GK5: variants seen among roughly 807,000 people sequenced by gnomAD.
GK5 encodes glycerol kinase 5, also known as ATP:glycerol 3-phosphotransferase 5.
In GK5, 39 loss-of-function variants were observed where a neutral mutation model predicts 77.3. That is an observed-to-expected ratio of 0.50 (90% CI 0.39 to 0.66). The LOEUF is 0.66. GK5 is among the 30% of genes least tolerant of loss of function. GK5 has a pLI of 0.00. For missense variants in GK5, 487 were observed against 633.8 expected, an observed-to-expected ratio of 0.77 and a Z score of 2.49; for synonymous variants, 211 against 208.0, an observed-to-expected ratio of 1.01 and a Z score of -0.13.
intron 1 of GK5, among the ~76,000 whole-genome samples, chr3:142,218,383 A>AG (rs2064301908): frequency 6.6e-6 from 1 of 150,606 alleles, no homozygotes; most frequent in Non-Finnish European, 1.5e-5. Flanking sequence ...AATACAAAAA[A>AG]AAAAAAAAAA....
intron 5 of GK5, among the ~76,000 whole-genome samples, chr3:142,191,138 G>A (rs144385668): frequency 0.022 from 3,407 of 152,038 alleles, 51 homozygotes; most frequent in Middle Eastern, 0.051. Flanking sequence ...CACCTCCCCG[G>A]TTCAAAAGAT....
intron 5 of GK5, 21 bp downstream of exon 5, chr3:142,198,781 A>AT: frequency 1.3e-6 from 2 of 1,597,382 alleles, no homozygotes; most frequent in Middle Eastern, 1.7e-4. Flanking sequence ...TATTTTCCAC[A>AT]TACACACAGT....
rs2108775466 is a variant in GK5 at position 142,161,043 on chromosome 3, A to T, written c.*4579T>A. On this transcript the variant is annotated 3_prime_UTR_variant, in exon 16 of 16. Coordinates refer to ENST00000392993, the MANE Select transcript of GK5 (RefSeq NM_001039547.3). ...TGGCCAAAAATTTTAAATAAACAACATGAGGATTCTAGCTCTCACTACAGA... is the reference window on the plus strand; with the variant it reads ...TGGCCAAAAATTTTAAATAAACAACTTGAGGATTCTAGCTCTCACTACAGA... The T allele has an allele frequency of 1.3e-5, 2 of 151,800 alleles. No individual in the cohort carries two copies. The highest frequency in any genetic ancestry group is 6.8e-3 in the Middle Eastern group (2 of 292). 9.4% of individuals were successfully genotyped at this position (151,800 alleles called of 1,614,324 possible).
intron 1 of GK5, among the ~76,000 whole-genome samples, chr3:142,219,083 A>T (rs1159022582): frequency 6.6e-6 from 1 of 152,248 alleles, no homozygotes; most frequent in African/African-American, 2.4e-5. Context: ...GAGGATGTGG[A>T]ACAACTGGAA....
rs9856056 is a variant in GK5, at chr3:142,179,906, G to C, written c.1048+1555C>G. Among the ~76,000 whole-genome samples, 513 of 152,294 alleles carry C rather than the reference G, an allele frequency of 3.4e-3. 1 individual carries two copies. The highest frequency in any genetic ancestry group is 4.5e-3 in the Non-Finnish European group (304 of 68,026). ...CTGATATTCCTGGCCTAGACTCAGAGGTAGCCTGAAACCCAAGGACTCAGA... is the reference window on the plus strand; with the variant it reads ...CTGATATTCCTGGCCTAGACTCAGACGTAGCCTGAAACCCAAGGACTCAGA... On this transcript the variant is annotated intron_variant, in intron 11 of 15. Transcript: ENST00000392993.
chr3:142,195,019 G>A (rs1185623932), intron 5 of GK5, among the ~76,000 whole-genome samples: 1 of 151,870 alleles, frequency 6.6e-6, no homozygotes, highest in Non-Finnish European at 1.5e-5. Flanking sequence ...GTTTTTCAAA[G>A]ATCAGGTTGA....
chr3:142,187,632 C>A, intron 6 of GK5, 72 bp downstream of exon 6: 114 of 974,758 alleles, frequency 1.2e-4, no homozygotes, highest in Non-Finnish European at 1.6e-4. Context: ...GTAACTTCTA[C>A]TTTTTTTAGG....
intron 1 of GK5, among the ~76,000 whole-genome samples, chr3:142,221,411 C>G (rs912112501): frequency 1.3e-5 from 2 of 152,214 alleles, no homozygotes; most frequent in East Asian, 1.9e-4. Flanking sequence ...CACTTCCCCC[C>G]ACTTTACCAA....
intron 5 of GK5, among the ~76,000 whole-genome samples, chr3:142,188,856 C>A (rs1025301633): frequency 6.6e-6 from 1 of 152,126 alleles, no homozygotes; most frequent in Admixed American, 6.5e-5. Context: ...ATAAAGCATG[C>A]CAAGAGAAAC....
intron 12 of GK5, among the ~76,000 whole-genome samples, chr3:142,174,830 C>T (rs796457626): frequency 1.3e-5 from 2 of 152,138 alleles, no homozygotes; most frequent in South Asian, 2.1e-4. Flanking sequence ...GCCCTGAAAA[C>T]CAAAACCAGG....
intron 15 of GK5, among the ~76,000 whole-genome samples, chr3:142,167,282 G>A (rs2063483758): frequency 6.6e-6 from 1 of 152,004 alleles, no homozygotes; most frequent in Non-Finnish European, 1.5e-5. Context: ...GCTGAAGCAC[G>A]AGAATCACTT....
chr3:142,215,191 T>C (rs1030035105), intron 2 of GK5, among the ~76,000 whole-genome samples: 2 of 152,132 alleles, frequency 1.3e-5, no homozygotes, highest in Non-Finnish European at 2.9e-5. Context: ...TTATGTCAAA[T>C]GGCCAGAAAA....
intron 5 of GK5, among the ~76,000 whole-genome samples, chr3:142,195,502 C>A (rs1279659353): frequency 1.3e-5 from 2 of 152,094 alleles, no homozygotes. Flanking sequence ...TACTACTATA[C>A]CCAGCTAATT....
At position 142,159,855 on chromosome 3, in the gene GK5, T is replaced by TTTTTTTTTTTTTTTTTTA. The variant is rs2063412837; in HGVS notation, c.*5766_*5767insTAAAAAAAAAAAAAAAAA. ...TCTCTCTCTCTCTCTCTCTCTCTCT[T>TTTTTTTTTTTTTTTTTTA]TTTTTTTTTTGAGACAGAGTCTCGC... is the stretch of plus-strand genomic sequence containing the variant. On this transcript the variant is annotated 3_prime_UTR_variant, in exon 16 of 16. Coordinates refer to ENST00000392993, the MANE Select transcript of GK5 (RefSeq NM_001039547.3). The TTTTTTTTTTTTTTTTTTA allele has an allele frequency of 7.7e-6, 1 of 130,714 alleles. No individual in the cohort carries two copies. The highest frequency in any genetic ancestry group is 3.0e-5 in the African/African-American group (1 of 33,566). 8.1% of individuals were successfully genotyped at this position (130,714 alleles called of 1,614,324 possible).
At chr3:142,171,520 C>A in intron 13 of GK5, 42 bp from the exon 14 acceptor site, 2 of 1,230,220 alleles carry the variant, frequency 1.6e-6, no homozygotes, top group Non-Finnish European at 2.2e-6. Context: ...AAATTCATAT[C>A]ATAATAATTC....
chr3:142,203,821 A>G (rs1046916690), intron 4 of GK5, among the ~76,000 whole-genome samples: 15 of 152,234 alleles, frequency 9.9e-5, no homozygotes, highest in African/African-American at 3.6e-4. Flanking sequence ...AATATTGATT[A>G]TGACATAAAA....
intron 15 of GK5, among the ~76,000 whole-genome samples, chr3:142,169,624 T>C (rs537433413): frequency 2.6e-5 from 4 of 151,962 alleles, no homozygotes; most frequent in South Asian, 2.1e-4. Flanking sequence ...GTAGTCCCTA[T>C]ACCTATTCTT....
At chr3:142,177,150 G>A (rs1284557061) in intron 12 of GK5, among the ~76,000 whole-genome samples, 1 of 152,122 alleles carries the variant, frequency 6.6e-6, no homozygotes, top group Non-Finnish European at 1.5e-5. Context: ...ACTGTGAAAT[G>A]GCTATTTTTG....
At chr3:142,213,633 T>C in intron 2 of GK5, 32 bp from the exon 3 acceptor site, 2 of 1,363,892 alleles carry the variant, frequency 1.5e-6, no homozygotes, top group African/African-American at 2.9e-5. Context: ...ACACATGTTT[T>C]AAAGCCAGTG....
Sources: allele counts gnomAD v4.1 joint callset (sites outside exome capture counted in the v4.1 genomes callset), GRCh38; gene constraint gnomAD v4.1.1; transcripts MANE v1.5; gene names NCBI Gene and HGNC (gene_info 2026-07-23, HGNC 2026-07-21).